The following MTREX variants were observed in gnomAD, a reference collection of about 807,000 sequenced individuals.
MTREX encodes exosome RNA helicase MTR4.
In MTREX, 76 loss-of-function variants were observed where a neutral mutation model predicts 135.4. The ratio of observed to expected loss-of-function variants is 0.56; its 90% confidence interval spans 0.47 to 0.68. MTREX has a LOEUF of 0.68. Among genes scored for constraint, MTREX ranks in the 30% least tolerant of loss-of-function variants. The pLI is 0.00. For synonymous variants in MTREX, 404 were observed against 401.6 expected (o/e 1.01, Z -0.07); for missense variants, 920 against 1,262.1 (o/e 0.73, Z 4.11).
chr5:55,374,254 C>CA (rs1750256009), intron 16 of MTREX, among the ~76,000 whole-genome samples: 1 of 137,480 alleles, frequency 7.3e-6, no homozygotes. Context: ...AAGACTGTCT[C>CA]AAAAAACATT....
intron 22 of MTREX, among the ~76,000 whole-genome samples, chr5:55,406,538 T>C (rs1561210949): frequency 1.3e-5 from 2 of 152,156 alleles, no homozygotes; most frequent in Non-Finnish European, 2.9e-5. Context: ...TCATACACCA[T>C]CATTTCCACC....
intron 6 of MTREX, 72 bp from the exon 7 acceptor site, chr5:55,341,609 A>G (rs71622174): frequency 0.037 from 26,832 of 734,384 alleles, 1,122 homozygotes; most frequent in Admixed American, 0.12. Flanking sequence ...TTGTTGGAAA[A>G]AACAACTTTT....
chr5:55,424,720 G>C lies in MTREX; in HGVS notation c.3077G>C (p.Gly1026Ala). The C allele has an allele frequency of 6.2e-7, 1 of 1,609,526 alleles. No individual in the cohort carries two copies. Among genetic ancestry groups the C allele is most frequent in the Non-Finnish European group, 8.5e-7 (1 of 1,176,086 alleles). ...TAAACCTTACTTTCTTTTCTCTTAG[G>C]AATCACCAAAATCAAGAGAGATATT... The part of the protein sequence containing the change: ...NTELENKFAE[G>A]ITKIKRDIVF... Residue 1026 changes from glycine (G) to alanine (A), a missense_variant and splice_region_variant, in exon 27 of 27, where the codon GGA becomes GCA. This residue lies in a region of MTREX where 467 missense variants were observed against 589.7 expected (regional missense o/e 0.79). Coordinates refer to ENST00000230640, the MANE Select transcript of MTREX (RefSeq NM_015360.5).
At chr5:55,327,830 C>A in intron 4 of MTREX, 52 bp downstream of exon 4, 1 of 1,267,246 alleles carries the variant, frequency 7.9e-7, no homozygotes, top group South Asian at 1.3e-5. Context: ...CTCTCTTTTT[C>A]TTAAAATTCT....
chr5:55,311,215 C>T (rs1579841337), intron 1 of MTREX, among the ~76,000 whole-genome samples: 1 of 149,206 alleles, frequency 6.7e-6, no homozygotes, highest in East Asian at 2.0e-4. Context: ...ATTCCTACAT[C>T]TTTTTTTTTT....
chr5:55,382,058 C>T (rs1482805660), intron 18 of MTREX, among the ~76,000 whole-genome samples: 1 of 152,016 alleles, frequency 6.6e-6, no homozygotes, highest in Non-Finnish European at 1.5e-5. Context: ...AGTGTGTCTC[C>T]TGTACACAGC....
intron 19 of MTREX, among the ~76,000 whole-genome samples, chr5:55,394,414 C>T (rs1750615967): frequency 6.6e-6 from 1 of 152,188 alleles, no homozygotes; most frequent in African/African-American, 2.4e-5. Flanking sequence ...GTCTTTTTGG[C>T]ACAAGAAACT....
At chr5:55,355,638 C>G (rs953795175) in intron 14 of MTREX, among the ~76,000 whole-genome samples, 2 of 152,200 alleles carry the variant, frequency 1.3e-5, no homozygotes, top group African/African-American at 4.8e-5. Context: ...CATGCTGTTG[C>G]CCTACCACCA....
intron 23 of MTREX, among the ~76,000 whole-genome samples, chr5:55,411,814 A>G (rs1301845081): frequency 6.6e-6 from 1 of 152,186 alleles, no homozygotes; most frequent in Non-Finnish European, 1.5e-5. Flanking sequence ...TTCCAAGATA[A>G]AGATAATTAA....
chr5:55,364,410 T>C (rs1231152360), intron 15 of MTREX, among the ~76,000 whole-genome samples: 3 of 152,230 alleles, frequency 2.0e-5, no homozygotes, highest in Non-Finnish European at 2.9e-5. Context: ...TTAACACACT[T>C]CTGCTATGAT....
intron 10 of MTREX, 117 bp from the exon 11 acceptor site, chr5:55,346,896 C>T (rs539739549): frequency 1.4e-5 from 11 of 794,036 alleles, no homozygotes; most frequent in Admixed American, 7.8e-5. Flanking sequence ...GTCTAACCCA[C>T]GGTCAGGAAG....
chr5:55,336,010 T>C (rs945238847), intron 5 of MTREX, among the ~76,000 whole-genome samples: 15 of 152,176 alleles, frequency 9.9e-5, no homozygotes, highest in Non-Finnish European at 1.9e-4. Context: ...TTTATGCTAT[T>C]GTGAATCACA....
chr5:55,394,019 G>C (rs1045697532), intron 19 of MTREX, among the ~76,000 whole-genome samples: 2 of 152,112 alleles, frequency 1.3e-5, no homozygotes, highest in African/African-American at 2.4e-5. Context: ...TTCTTGGATG[G>C]AGTTTATTAT....
In MTREX at chr5:55,347,941, C is replaced by T. The variant is rs137876612; in HGVS notation, c.1240+797C>T. Among the ~76,000 whole-genome samples the T allele has an allele frequency of 2.6e-5, 4 of 152,258 alleles. No individual in the cohort carries two copies. The East Asian group carries it at 7.7e-4, about 29-fold the overall frequency. On this transcript the variant is annotated intron_variant, in intron 11 of 26. Transcript: ENST00000230640. ...TCCCATTTTCAAAACCATCAGATCT[C>T]ATGAGACTTAGTCACTGTCACGAGA... is the stretch of plus-strand genomic sequence containing the variant.
intron 5 of MTREX, among the ~76,000 whole-genome samples, chr5:55,334,981 C>T (rs1282868269): frequency 1.3e-5 from 2 of 151,990 alleles, no homozygotes; most frequent in Non-Finnish European, 2.9e-5. Flanking sequence ...TATGAGGGTG[C>T]CAGTTTCTCT....
intron 16 of MTREX, among the ~76,000 whole-genome samples, chr5:55,373,009 G>T (rs181841099): frequency 1.3e-5 from 2 of 150,258 alleles, no homozygotes; most frequent in East Asian, 2.0e-4. Flanking sequence ...TAAAACGTTG[G>T]GGCACTTTAG....
intron 15 of MTREX, among the ~76,000 whole-genome samples, chr5:55,360,195 A>G (rs1749984618): frequency 6.6e-6 from 1 of 152,204 alleles, no homozygotes; most frequent in African/African-American, 2.4e-5. Context: ...ACAGACTCGT[A>G]TAATGTGTAC....
intron 5 of MTREX, among the ~76,000 whole-genome samples, chr5:55,332,400 A>C (rs965085100): frequency 2.6e-5 from 4 of 152,218 alleles, no homozygotes; most frequent in Non-Finnish European, 4.4e-5. Flanking sequence ...TGTAGAGAAA[A>C]GAAACAGATA....
intron 17 of MTREX, 59 bp from the exon 18 acceptor site, chr5:55,379,068 T>A: frequency 8.3e-7 from 1 of 1,200,934 alleles, no homozygotes; most frequent in South Asian, 1.2e-5. Context: ...TGTGAAAGGC[T>A]GAAATTGCCT....
Sources: gnomAD v4.1 joint callset for allele counts (sites outside exome capture counted in the v4.1 genomes callset) on GRCh38, gnomAD v4.1.1 for gene constraint, gnomAD v4.1.1 regional missense constraint, MANE v1.5 for transcripts, NCBI Gene and HGNC (gene_info 2026-07-23, HGNC 2026-07-21) for gene names.